ZCWPW2: variants seen among roughly 807,000 people sequenced by gnomAD.
The protein encoded by ZCWPW2 is zinc finger CW-type PWWP domain protein 2.
In ZCWPW2, 45 loss-of-function variants were observed where a neutral mutation model predicts 46.6. The observed-to-expected ratio is 0.96, with a 90% CI of 0.76 to 1.24. The LOEUF (loss-of-function observed/expected upper bound fraction) is 1.24, where lower values mean the gene tolerates loss of function less well. Ranked by LOEUF, ZCWPW2 falls within the 50% of genes most tolerant of loss-of-function variation. The probability of loss-of-function intolerance (pLI) is 0.00; values close to 1 mark genes in which losing one functional copy is unlikely to be tolerated. For missense variants in ZCWPW2, 429 were observed against 403.9 expected (o/e 1.06, Z -0.53); for synonymous variants, 152 against 137.1 (o/e 1.11, Z -0.76).
intron 4 of ZCWPW2, among the ~76,000 whole-genome samples, chr3:28,435,929 C>G (rs774762153): frequency 9.9e-5 from 15 of 152,122 alleles, no homozygotes; most frequent in Non-Finnish European, 1.5e-4. Context: ...AGCCATAGCT[C>G]ACAGGAAAAC....
At chr3:28,519,178 T>C (rs1196536615) in intron 8 of ZCWPW2, among the ~76,000 whole-genome samples, 2 of 152,194 alleles carry the variant, frequency 1.3e-5, no homozygotes, top group Non-Finnish European at 2.9e-5. Flanking sequence ...TGTTTGTTTT[T>C]AAACATGAGA....
At chr3:28,437,509 T>G (rs1002698458) in intron 4 of ZCWPW2, among the ~76,000 whole-genome samples, 2 of 152,176 alleles carry the variant, frequency 1.3e-5, no homozygotes, top group African/African-American at 2.4e-5. Flanking sequence ...GGCTCAATCA[T>G]GTTTGTCTAG....
chr3:28,349,266 G>T lies in ZCWPW2; in HGVS notation c.-134+63G>T. 7 of 943,396 alleles carry T rather than the reference G, an allele frequency of 7.4e-6. 1 individual carries two copies. Among genetic ancestry groups the T allele is most frequent in the Non-Finnish European group, 8.8e-6 (7 of 791,616 alleles). 58.4% of individuals were successfully genotyped at this position (943,396 alleles called of 1,614,324 possible). Reference sequence around the variant, plus strand: ...GGTCCCCCTTCAGGGGCGCCCTCTGGTGCGTCTTTTTCACTCAGTGTCCTT... The same window carrying T: ...GGTCCCCCTTCAGGGGCGCCCTCTGTTGCGTCTTTTTCACTCAGTGTCCTT... On this transcript the variant is annotated intron_variant, in intron 1 of 9. Transcript: ENST00000383768.
intron 4 of ZCWPW2, among the ~76,000 whole-genome samples, chr3:28,452,957 A>C (rs983143991): frequency 2.6e-5 from 4 of 152,198 alleles, no homozygotes; most frequent in African/African-American, 7.2e-5. Context: ...CTAGTTGATC[A>C]TCTTATTCTT....
chr3:28,435,248 A>AC lies in ZCWPW2; in HGVS notation c.472dup (p.His158ProfsTer3), dbSNP rs766096547. The AC allele has an allele frequency of 6.2e-7, 1 of 1,612,394 alleles. No individual in the cohort carries two copies. Among genetic ancestry groups the AC allele is most frequent in the South Asian group, 1.1e-5 (1 of 90,472 alleles). On this transcript the variant is annotated frameshift_variant, in exon 4 of 10. Transcript: ENST00000383768. LOFTEE classifies it high-confidence loss of function. ...CATGGATAAAGGCAACATTCGTTGG[A>AC]CATTATAGTATCACATTAAAGGTAG...
intron 1 of ZCWPW2, among the ~76,000 whole-genome samples, chr3:28,367,045 A>G (rs1705144343): frequency 6.6e-6 from 1 of 151,648 alleles, no homozygotes; most frequent in Non-Finnish European, 1.5e-5. Flanking sequence ...TTTCTTCTTT[A>G]TTAGTCTCGC....
intron 1 of ZCWPW2, among the ~76,000 whole-genome samples, chr3:28,379,192 A>G (rs113807008): frequency 9.2e-5 from 14 of 152,336 alleles, no homozygotes; most frequent in African/African-American, 3.1e-4. Context: ...AGACTGCAGC[A>G]AATCAGTGAC....
intron 2 of ZCWPW2, among the ~76,000 whole-genome samples, chr3:28,412,313 A>C (rs1696432202): frequency 6.6e-6 from 1 of 151,860 alleles, no homozygotes; most frequent in Admixed American, 6.6e-5. Context: ...TTTTTCTAAC[A>C]AAAAAGCTCT....
Position 28,409,194 on chromosome 3 carries a change from A to T in ZCWPW2, c.-13-3862A>T, listed in dbSNP as rs1696298933. On this transcript the variant is annotated intron_variant, in intron 2 of 9. Transcript: ENST00000383768. Reference sequence around the variant, plus strand: ...GGAATGCATGGTGCGATCTTGGCTCACTGCAACTTCTGCCTCTCTGGTTCA... The same window carrying T: ...GGAATGCATGGTGCGATCTTGGCTCTCTGCAACTTCTGCCTCTCTGGTTCA... 2.2e-5 allele frequency among the ~76,000 whole-genome samples: 3 copies of T among 133,942 alleles called. No homozygotes were observed. In the South Asian group the frequency reaches 6.7e-4, roughly 30 times the overall value. The allele number at this position is 133,942 out of a possible 152,430, so 87.9% of individuals were successfully genotyped here.
chr3:28,393,686 C>T (rs35088087), intron 2 of ZCWPW2, among the ~76,000 whole-genome samples: 33,691 of 151,898 alleles, frequency 0.22, 4,270 homozygotes, highest in Middle Eastern at 0.29. Flanking sequence ...GAGGAACAAA[C>T]ATTATATGAT....
intron 1 of ZCWPW2, among the ~76,000 whole-genome samples, chr3:28,389,512 T>G (rs1330434352): frequency 6.6e-6 from 1 of 152,222 alleles, no homozygotes; most frequent in Non-Finnish European, 1.5e-5. Context: ...TATTGCCATA[T>G]CATGCCATGG....
At chr3:28,467,389 G>A (rs76103963) in intron 4 of ZCWPW2, among the ~76,000 whole-genome samples, 3,172 of 151,954 alleles carry the variant, frequency 0.021, 157 homozygotes, top group African/African-American at 0.064. Flanking sequence ...ACCATTATAC[G>A]TACTAACACA....
chr3:28,508,797 G>A (rs1700347103), intron 6 of ZCWPW2, among the ~76,000 whole-genome samples: 1 of 152,036 alleles, frequency 6.6e-6, no homozygotes, highest in African/African-American at 2.4e-5. Flanking sequence ...CAAAGTGTTG[G>A]GATTACAGGC....
intron 1 of ZCWPW2, among the ~76,000 whole-genome samples, chr3:28,355,454 C>T (rs1055772809): frequency 6.6e-6 from 1 of 152,212 alleles, no homozygotes; most frequent in Non-Finnish European, 1.5e-5. Flanking sequence ...AATGTCATCC[C>T]CATCAAGCTA....
intron 5 of ZCWPW2, among the ~76,000 whole-genome samples, chr3:28,487,236 T>A (rs981130029): frequency 6.6e-6 from 1 of 152,100 alleles, no homozygotes; most frequent in African/African-American, 2.4e-5. Context: ...GCCTATTACA[T>A]GTATGTCACA....
intron 4 of ZCWPW2, among the ~76,000 whole-genome samples, chr3:28,442,139 T>C (rs1697786171): frequency 6.6e-6 from 1 of 152,220 alleles, no homozygotes; most frequent in East Asian, 1.9e-4. Context: ...TTTGGATCAC[T>C]GACTAAATGC....
At chr3:28,521,213 T>C in intron 9 of ZCWPW2, 97 bp downstream of exon 9, 1 of 1,313,234 alleles carries the variant, frequency 7.6e-7, no homozygotes, top group Admixed American at 3.4e-5. Flanking sequence ...TATAAAAAAC[T>C]CTTTTCATGT....
At chr3:28,365,146 G>A (rs979150576) in intron 1 of ZCWPW2, among the ~76,000 whole-genome samples, 12 of 150,922 alleles carry the variant, frequency 8.0e-5, no homozygotes, top group African/African-American at 2.7e-4. Flanking sequence ...AAGCTCTTTA[G>A]TTTAATTAGA....
Position 28,435,167 on chromosome 3 carries a change from G to T in ZCWPW2, c.390G>T (p.Pro130=). The change falls in exon 4 of 10, where the codon CCG becomes CCT. Residue 130 remains proline (P), a synonymous_variant. Transcript: ENST00000383768. The stretch of plus-strand genomic sequence containing the variant: ...AAGGGAAATATGTAACTTATGACCC[G>T]GATGGAAATGTTGAAGAGTATCACA... ...RFKGKYVTYD[P]DGNVEEYHIE... The T allele has an allele frequency of 6.2e-7, 1 of 1,613,514 alleles. No individual in the cohort carries two copies.
Sources: gnomAD v4.1 joint callset for allele counts (sites outside exome capture counted in the v4.1 genomes callset) on GRCh38, gnomAD v4.1.1 for gene constraint, MANE v1.5 for transcripts, NCBI Gene and HGNC (gene_info 2026-07-23, HGNC 2026-07-21) for gene names.